Variants in ANKRD60 observed in about 807,000 individuals in gnomAD.
The protein encoded by ANKRD60 is ankyrin repeat domain-containing protein 60.
ANKRD60 carries 24 observed loss-of-function variants against 21.3 expected under a neutral mutation model. The observed-to-expected ratio is 1.13, with a 90% CI of 0.82 to 1.59. The LOEUF (loss-of-function observed/expected upper bound fraction) is 1.59. Ranked by LOEUF, ANKRD60 falls within the 40% of genes most tolerant of loss-of-function variation. The probability of loss-of-function intolerance (pLI) is 0.00; values close to 1 mark genes in which losing one functional copy is unlikely to be tolerated. For synonymous variants in ANKRD60, 182 were observed against 199.4 expected (o/e 0.91, Z 0.74); for missense variants, 490 against 466.7 (o/e 1.05, Z -0.46).
chr20:58,224,271 C>T lies in ANKRD60; in HGVS notation c.431-1089G>A, dbSNP rs553170920. ...CTTTCTTTATGAGCAATGCCACCAACATCGAGTCTCAGCTCCGCCCAGGTG... is the reference window on the plus strand; with the variant it reads ...CTTTCTTTATGAGCAATGCCACCAATATCGAGTCTCAGCTCCGCCCAGGTG... On this transcript the variant is annotated intron_variant, in intron 1 of 3. Coordinates refer to ENST00000457363, the Ensembl canonical transcript of ANKRD60. Among the ~76,000 whole-genome samples, 18 of 152,338 alleles carry T rather than the reference C, an allele frequency of 1.2e-4. No homozygotes were observed. The South Asian group carries it at 3.5e-3, about 30-fold the overall frequency.
At chr20:58,222,731 C>T (rs1240124593) in intron 2 of ANKRD60, among the ~76,000 whole-genome samples, 1 of 152,214 alleles carries the variant, frequency 6.6e-6, no homozygotes, top group Admixed American at 6.5e-5. Flanking sequence ...ATCTGGAGTT[C>T]TCCTCTCAGT....
intron 1 of ANKRD60, among the ~76,000 whole-genome samples, chr20:58,227,989 G>C (rs1482584659): frequency 1.3e-5 from 2 of 152,172 alleles, no homozygotes; most frequent in South Asian, 2.1e-4. Flanking sequence ...CTGTGGACAA[G>C]GTTTGCCTTG....
chr20:58,216,255 G>T (rs1984133421), downstream of ANKRD60, among the ~76,000 whole-genome samples: 1 of 152,180 alleles, frequency 6.6e-6, no homozygotes, highest in Non-Finnish European at 1.5e-5. Flanking sequence ...CCCTACCACA[G>T]ACTGAGCAAA....
chr20:58,222,378 T>G (rs776107680), intron 2 of ANKRD60, among the ~76,000 whole-genome samples: 15 of 152,252 alleles, frequency 9.9e-5, no homozygotes, highest in African/African-American at 3.6e-4. Flanking sequence ...TCCCAGCCCC[T>G]GCTACACCCA....
At chr20:58,218,826 C>T (rs1265644399) in intron 3 of ANKRD60, 21 bp from the exon 4 acceptor site, 41 of 1,513,714 alleles carry the variant, frequency 2.7e-5, no homozygotes, top group Non-Finnish European at 3.5e-5. Flanking sequence ...AGAACATTGG[C>T]CAGAAGGAAG....
intron 3 of ANKRD60, among the ~76,000 whole-genome samples, chr20:58,219,601 T>C (rs1207796652): frequency 6.6e-6 from 1 of 152,084 alleles, no homozygotes; most frequent in African/African-American, 2.4e-5. Flanking sequence ...CAATATGGAG[T>C]TGTTGAATTG....
chr20:58,218,940 C>A, intron 3 of ANKRD60, 135 bp from the exon 4 acceptor site: 1 of 757,732 alleles, frequency 1.3e-6, no homozygotes, highest in Non-Finnish European at 2.1e-6. Context: ...TGCCCCCAGT[C>A]CACTCCCCTG....
chr20:58,216,776 G>A (rs1252247947), downstream of ANKRD60, among the ~76,000 whole-genome samples: 2 of 152,206 alleles, frequency 1.3e-5, no homozygotes, highest in African/African-American at 2.4e-5. Flanking sequence ...AGTGGGAAAG[G>A]GTGGCCAGGA....
chr20:58,225,838 T>C (rs567016899), intron 1 of ANKRD60, among the ~76,000 whole-genome samples: 19 of 152,228 alleles, frequency 1.2e-4, no homozygotes, highest in South Asian at 2.1e-4. Flanking sequence ...GGTGGGGAGA[T>C]GATGGAGCCC....
At chr20:58,218,417 T>C (rs1409116650), downstream of ANKRD60, 2 of 1,386,938 alleles carry the variant, frequency 1.4e-6, no homozygotes, top group African/African-American at 2.9e-5. Context: ...GCCTCCCTGC[T>C]CACCAAGGGC....
intron 3 of ANKRD60, among the ~76,000 whole-genome samples, chr20:58,220,297 G>A (rs761176651): frequency 4.6e-5 from 7 of 152,136 alleles, no homozygotes; most frequent in Non-Finnish European, 7.3e-5. Context: ...TGAGGGTCTA[G>A]GCTGTTAACA....
At chr20:58,223,125 A>G (rs1348652661) in exon 2 of ANKRD60, 1 of 1,551,818 alleles carries the variant, frequency 6.4e-7, no homozygotes, top group Non-Finnish European at 8.7e-7. Context: ...ACATAATGAA[A>G]TAATCCCTCC....
Position 58,228,332 on chromosome 20 carries a change from G to C in ANKRD60, c.322C>G (p.Arg108Gly), listed in dbSNP as rs1454742133. ...ATGTCGCCGCGGCAGTTTGCCACTC[G>C]GAACATCTCCCCCGTCTCCTCCAGC... Residue 108 changes from arginine to glycine, a missense_variant, in exon 1 of 4, where the codon CGA becomes GGA. Transcript: ENST00000457363. The surrounding 1 kb of genome is among the most constrained non-coding windows in gnomAD (Gnocchi z 5.3). 1 of 1,549,768 alleles carries C rather than the reference G, an allele frequency of 6.5e-7. No individual in the cohort carries two copies. Among genetic ancestry groups the C allele is most frequent in the South Asian group, 1.2e-5 (1 of 84,064 alleles).
At chr20:58,225,429 G>T (rs2090197485) in intron 1 of ANKRD60, among the ~76,000 whole-genome samples, 1 of 152,162 alleles carries the variant, frequency 6.6e-6, no homozygotes. Context: ...CCTCAAAAAT[G>T]CTCGAGAGCA....
chr20:58,217,033 TAG>T (rs137953700), downstream of ANKRD60, among the ~76,000 whole-genome samples: 1,317 of 152,340 alleles, frequency 8.6e-3, 73 homozygotes, highest in East Asian at 0.13. Flanking sequence ...TGAAATGAAT[TAG>T]AGTTTGACAG....
chr20:58,224,062 A>G (rs1984318180), intron 1 of ANKRD60, among the ~76,000 whole-genome samples: 1 of 151,598 alleles, frequency 6.6e-6, no homozygotes, highest in South Asian at 2.1e-4. Context: ...AGATTACACC[A>G]CTGCATTCCA....
intron 2 of ANKRD60, among the ~76,000 whole-genome samples, chr20:58,221,746 A>T (rs1456786072): frequency 6.6e-6 from 1 of 152,178 alleles, no homozygotes; most frequent in African/African-American, 2.4e-5. Context: ...GGCTCGGAAC[A>T]CAGGAAGGTC....
At chr20:58,222,310 C>T (rs1464208620) in intron 2 of ANKRD60, among the ~76,000 whole-genome samples, 2 of 152,116 alleles carry the variant, frequency 1.3e-5, no homozygotes, top group Non-Finnish European at 2.9e-5. Flanking sequence ...ACCCTCCCTG[C>T]CAAGGCTGCC....
chr20:58,221,097 T>A (rs1185331719), intron 3 of ANKRD60, among the ~76,000 whole-genome samples: 1 of 152,160 alleles, frequency 6.6e-6, no homozygotes, highest in Non-Finnish European at 1.5e-5. Flanking sequence ...TCTGCCTCAC[T>A]GAAGCAGAAA....
Sources: allele counts gnomAD v4.1 joint callset (sites outside exome capture counted in the v4.1 genomes callset), GRCh38; gene constraint gnomAD v4.1.1; non-coding constraint Gnocchi (gnomAD v3.1); transcripts MANE v1.5; gene names NCBI Gene and HGNC (gene_info 2026-07-23, HGNC 2026-07-21).